Variants in GIGYF2 observed in about 807,000 individuals in gnomAD.
GIGYF2 encodes GRB10-interacting GYF protein 2.
A neutral mutation model predicts 208.1 loss-of-function variants in GIGYF2; 25 were observed. The observed-to-expected ratio is 0.12, with a 90% CI of 0.09 to 0.17. GIGYF2 has a LOEUF of 0.17. Among genes scored for constraint, GIGYF2 ranks in the 10% least tolerant of loss-of-function variants. The probability of loss-of-function intolerance (pLI) is 1.00; values close to 1 mark genes in which losing one functional copy is unlikely to be tolerated. For missense variants in GIGYF2, 1,302 were observed against 1,579.4 expected (o/e 0.82, Z 2.98); for synonymous variants, 534 against 543.8 (o/e 0.98, Z 0.25).
At chr2:232,775,119 T>C (rs747289400) in intron 8 of GIGYF2, among the ~76,000 whole-genome samples, 4 of 151,806 alleles carry the variant, frequency 2.6e-5, no homozygotes, top group Non-Finnish European at 4.4e-5. Flanking sequence ...TGTTGGCAAG[T>C]GGAGTAATAT....
intron 2 of GIGYF2, among the ~76,000 whole-genome samples, chr2:232,711,068 A>G (rs1451937199): frequency 3.3e-5 from 5 of 149,310 alleles, no homozygotes; most frequent in African/African-American, 9.9e-5. Context: ...GTATGTATGT[A>G]TGTTTTAAGT....
At chr2:232,709,637 C>T (rs889148546) in intron 2 of GIGYF2, among the ~76,000 whole-genome samples, 9 of 151,972 alleles carry the variant, frequency 5.9e-5, no homozygotes, top group South Asian at 4.2e-4. Context: ...GGTGAAACCC[C>T]GTCTCTACTA....
intron 8 of GIGYF2, among the ~76,000 whole-genome samples, chr2:232,785,102 T>A (rs1423507560): frequency 1.3e-5 from 2 of 151,918 alleles, no homozygotes; most frequent in South Asian, 2.1e-4. Context: ...TTTTTTTTTT[T>A]AATAAATTAC....
intron 9 of GIGYF2, among the ~76,000 whole-genome samples, chr2:232,789,050 G>T (rs1699997018): frequency 6.6e-6 from 1 of 152,094 alleles, no homozygotes; most frequent in Non-Finnish European, 1.5e-5. Flanking sequence ...CTTTTATTAA[G>T]ATTTGAGTAA....
intron 1 of GIGYF2, among the ~76,000 whole-genome samples, chr2:232,701,849 G>C (rs1232895270): frequency 6.6e-6 from 1 of 152,106 alleles, no homozygotes; most frequent in Non-Finnish European, 1.5e-5. Flanking sequence ...AAGGGCAGGA[G>C]GAAAGGGAAG....
chr2:232,839,125 C>G (rs182261995), intron 22 of GIGYF2, among the ~76,000 whole-genome samples: 1 of 151,824 alleles, frequency 6.6e-6, no homozygotes, highest in East Asian at 1.9e-4. Context: ...TTATTGTGTT[C>G]GCTTGTTTGA....
intron 21 of GIGYF2, among the ~76,000 whole-genome samples, chr2:232,821,043 G>T (rs1215672085): frequency 6.6e-6 from 1 of 152,090 alleles, no homozygotes; most frequent in Non-Finnish European, 1.5e-5. Flanking sequence ...TTGTTGGCAG[G>T]CTGGTCTCAA....
At chr2:232,844,992 G>C (rs1034689508) in intron 25 of GIGYF2, among the ~76,000 whole-genome samples, 10 of 151,984 alleles carry the variant, frequency 6.6e-5, no homozygotes, top group Non-Finnish European at 1.2e-4. Context: ...ATTTTTATAA[G>C]TTAGTTACAT....
In GIGYF2 at chr2:232,791,081, C is replaced by T. The variant is rs759975740; in HGVS notation, c.1004C>T (p.Ser335Phe). The T allele has an allele frequency of 1.9e-6, 3 of 1,613,972 alleles. No homozygotes were observed. The highest frequency in any genetic ancestry group is 2.5e-6 in the Non-Finnish European group (3 of 1,179,934). ...CCTGTGGACGAAGGGGAGGAGTGCT[C>T]TGACTCTGAGGGTAGCCATAATGAA... ...FRPVDEGEEC[S>F]DSEGSHNEEA... The change falls in exon 11 of 29, where the codon TCT (serine) becomes TTT (phenylalanine). Residue 335 changes from serine to phenylalanine, a missense_variant. Around this residue, in one of 8 missense-constraint regions of GIGYF2, gnomAD observed 235 missense variants for 218.8 expected, o/e 1.07. Coordinates refer to ENST00000373563, the MANE Select transcript of GIGYF2 (RefSeq NM_001103146.3).
Position 232,844,202 on chromosome 2 carries a change from C to G in GIGYF2, c.3046C>G (p.Gln1016Glu). 1 of 1,546,136 alleles carries G rather than the reference C, an allele frequency of 6.5e-7. No homozygotes were observed. Residue 1016 changes from glutamine to glutamate, a missense_variant, in exon 24 of 29, where the codon CAG becomes GAG. Around this residue, in one of 8 missense-constraint regions of GIGYF2, gnomAD observed 701 missense variants for 793.0 expected, o/e 0.88. Coordinates refer to ENST00000373563, the MANE Select transcript of GIGYF2 (RefSeq NM_001103146.3). ...QQEEARQMQK[Q>E]QQQQQQHQQP... ...GGAAGAGGCCAGGCAAATGCAAAAGCAGCAGCAGCAGCAGCAGCAACACCA... is the reference window on the plus strand; with the variant it reads ...GGAAGAGGCCAGGCAAATGCAAAAGGAGCAGCAGCAGCAGCAGCAACACCA...
Position 232,858,691 on chromosome 2 carries a change from G to C in GIGYF2, c.*1831G>C, listed in dbSNP as rs1014151226. 1 of 372,008 alleles carries C rather than the reference G, an allele frequency of 2.7e-6. No homozygotes were observed. 23.0% of individuals were successfully genotyped at this position (372,008 alleles called of 1,614,324 possible). On this transcript the variant is annotated 3_prime_UTR_variant, in exon 29 of 29. Coordinates refer to ENST00000373563, the MANE Select transcript of GIGYF2 (RefSeq NM_001103146.3). ...AGTTCTGCACTAAACTGTTCCTCTT[G>C]GTACCATGGAAAAGCTCCAAGCACC...
At chr2:232,856,646 C>G in intron 28 of GIGYF2, 147 bp from the exon 29 acceptor site, 1 of 724,358 alleles carries the variant, frequency 1.4e-6, no homozygotes, top group South Asian at 1.4e-5. Flanking sequence ...GAGCCGAGAT[C>G]ACGCCACTGC....
chr2:232,809,747 A>G lies in GIGYF2; in HGVS notation c.1834A>G (p.Arg612Gly). 2 of 1,611,122 alleles carry G rather than the reference A, an allele frequency of 1.2e-6. No homozygotes were observed. Among genetic ancestry groups the G allele is most frequent in the Non-Finnish European group, 1.7e-6 (2 of 1,177,230 alleles). ...MGELDQERLT[R>G]QQELTALYQM... ...AGAGCTGGACCAGGAACGACTGACC[A>G]GGCAGCAAGAACTCACAGCCTTATA... Residue 612 changes from arginine (R) to glycine (G), a missense_variant, in exon 16 of 29, where the codon AGG becomes GGG. Around this residue, in one of 8 missense-constraint regions of GIGYF2, gnomAD observed 701 missense variants for 793.0 expected, o/e 0.88. Transcript: ENST00000373563.
intron 27 of GIGYF2, among the ~76,000 whole-genome samples, chr2:232,848,420 G>A (rs988783048): frequency 1.3e-5 from 2 of 152,134 alleles, no homozygotes; most frequent in African/African-American, 4.8e-5. Context: ...TGGATCATGA[G>A]GTCAGGAGTT....
chr2:232,809,160 A>G (rs1700651882), intron 15 of GIGYF2, among the ~76,000 whole-genome samples: 1 of 151,972 alleles, frequency 6.6e-6, no homozygotes, highest in Non-Finnish European at 1.5e-5. Context: ...GGCCAGGCTG[A>G]TCTCAATCCC....
intron 1 of GIGYF2, among the ~76,000 whole-genome samples, chr2:232,701,969 G>A (rs13007783): frequency 0.34 from 51,748 of 151,572 alleles, 9,108 homozygotes; most frequent in South Asian, 0.62. Flanking sequence ...GAGACCAGCC[G>A]GGGCAACAGA....
intron 8 of GIGYF2, among the ~76,000 whole-genome samples, chr2:232,777,786 G>A (rs990328565): frequency 6.6e-6 from 1 of 151,978 alleles, no homozygotes; most frequent in African/African-American, 2.4e-5. Context: ...GCATGTACTG[G>A]TAGGAATTAT....
rs1042580885 is a variant in GIGYF2 at position 232,712,172 on chromosome 2, G to GA, written c.-44+8692dup. Among the ~76,000 whole-genome samples, 41 of 150,074 alleles carry GA rather than the reference G, an allele frequency of 2.7e-4. 1 individual carries two copies. The highest frequency in any genetic ancestry group is 8.6e-4 in the African/African-American group (35 of 40,912). On this transcript the variant is annotated intron_variant, in intron 2 of 28. Coordinates refer to ENST00000373563, the MANE Select transcript of GIGYF2 (RefSeq NM_001103146.3). ...TTTTTGTTGAAGTCTCATTCATTTT[G>GA]AAAAAAAAAGTCTGCTACATATCCT...
At chr2:232,835,930 C>CT (rs1488089113) in intron 22 of GIGYF2, among the ~76,000 whole-genome samples, 1 of 111,028 alleles carries the variant, frequency 9.0e-6, no homozygotes, top group African/African-American at 2.9e-5. Flanking sequence ...CGAGATAACT[C>CT]TCGGATTACA....
Sources: gnomAD v4.1 joint callset for allele counts (sites outside exome capture counted in the v4.1 genomes callset) on GRCh38, gnomAD v4.1.1 for gene constraint, gnomAD v4.1.1 regional missense constraint, MANE v1.5 for transcripts, NCBI Gene and HGNC (gene_info 2026-07-23, HGNC 2026-07-21) for gene names.